Variants in DVL2 observed in about 807,000 individuals in gnomAD.
The protein encoded by DVL2 is segment polarity protein dishevelled homolog DVL-2.
DVL2 carries 38 observed loss-of-function variants against 69.8 expected under a neutral mutation model. The ratio of observed to expected loss-of-function variants is 0.54; its 90% CI spans 0.42 to 0.71. The LOEUF (loss-of-function observed/expected upper bound fraction) is 0.71. Ranked by LOEUF, DVL2 falls within the 30% of genes least tolerant of loss-of-function variation. The pLI, the probability that DVL2 is intolerant of heterozygous loss-of-function variation, is 0.00. For missense variants in DVL2, 931 were observed against 1,008.1 expected (o/e 0.92, Z 1.04); for synonymous variants, 428 against 392.4 (o/e 1.09, Z -1.07).
chr17:7,226,994 T>G lies in DVL2; in HGVS notation c.1543+96A>C. On this transcript the variant is annotated intron_variant, in intron 13 of 14. Transcript: ENST00000005340. Reference sequence around the variant, plus strand: ...ACACACACTGCTCGACCATCCATGGTGGCCCTGGCTGCGGTTTCTGGGCTA... The same window carrying G: ...ACACACACTGCTCGACCATCCATGGGGGCCCTGGCTGCGGTTTCTGGGCTA... 3 of 1,256,896 alleles carry G rather than the reference T, an allele frequency of 2.4e-6. No individual in the cohort carries two copies. The South Asian group carries it at 4.2e-5, about 17-fold the overall frequency. 77.9% of individuals were successfully genotyped at this position (1,256,896 alleles called of 1,614,324 possible).
chr17:7,225,898 G>A lies in DVL2; in HGVS notation c.2178C>T (p.Gly726=), dbSNP rs2071436281. ...CATCCACAAAGAACTCGCTGGGATT[G>A]CCCATGGCCATGTGGAAGCTTTGGC... is the stretch of plus-strand genomic sequence containing the variant. ...ASRQSFHMAM[G]NPSEFFVDVM The change falls in exon 15 of 15, where the codon GGC becomes GGT. Residue 726 remains glycine (G), a synonymous_variant. Transcript: ENST00000005340. The A allele has an allele frequency of 6.2e-7, 1 of 1,613,956 alleles. No individual in the cohort carries two copies. The highest frequency in any genetic ancestry group is 2.2e-5 in the East Asian group (1 of 44,872).
In DVL2 at chr17:7,230,806, C is replaced by A; in HGVS notation, c.195-9G>T. ...TTTCTTCCTTCACCACCCTGCCAAG[C>A]GACAAGGTAGAGGTCAGTGAGCTGG... On this transcript the variant is annotated splice_polypyrimidine_tract_variant and intron_variant, in intron 1 of 14. Coordinates refer to ENST00000005340, the MANE Select transcript of DVL2 (RefSeq NM_004422.3). 6.2e-7 allele frequency: 1 copy of A among 1,611,074 alleles called. No individual in the cohort carries two copies.
rs774358021 is a variant in DVL2, at chr17:7,229,120, C to T, written c.957+15G>A. On this transcript the variant is annotated intron_variant, in intron 8 of 14. Transcript: ENST00000005340. This position sits in a 1 kb window ranked among gnomAD's most constrained non-coding sequence, Gnocchi z 4.4. ...CCCCCGTGCAGGGCAGCTCAGTGGCCCTACCCCAGCACACCTGCAAAAGCA... is the reference window on the plus strand; with the variant it reads ...CCCCCGTGCAGGGCAGCTCAGTGGCTCTACCCCAGCACACCTGCAAAAGCA... 2 of 1,613,972 alleles carry T rather than the reference C, an allele frequency of 1.2e-6. No homozygotes were observed. The highest frequency in any genetic ancestry group is 2.2e-5 in the South Asian group (2 of 91,088).
chr17:7,231,446 C>CA (rs57713433), intron 1 of DVL2, among the ~76,000 whole-genome samples: 1,704 of 98,572 alleles, frequency 0.017, 16 homozygotes, highest in Middle Eastern at 0.037. Context: ...CTGGGCGGCT[C>CA]AAAAAAAAAA....
rs1207323385 is a variant in DVL2 at position 7,234,218 on chromosome 17, C to T, written c.45G>A (p.Lys15=). 6.2e-7 allele frequency: 1 copy of T among 1,614,046 alleles called. No individual in the cohort carries two copies. The highest frequency in any genetic ancestry group is 8.5e-7 in the Non-Finnish European group (1 of 1,180,002). ...STGGGGVGET[K]VIYHLDEEET... is the part of the protein sequence containing the mutation. ...CTTCCTCATCCAGGTGGTAAATCAC[C>T]TTCGTCTCCCCAACCCCACCGCCCC... is the stretch of plus-strand genomic sequence containing the variant. The change falls in exon 1 of 15, where the codon AAG becomes AAA. Residue 15 remains lysine (K), a synonymous_variant. Transcript: ENST00000005340.
rs541586227 is a variant in DVL2, at chr17:7,234,305, G to A, written c.-43C>T. Reference sequence around the variant, plus strand: ...CCCGGGCTCCACCGCCCACCCAAAGGGCTAATGGCCCCTGCCGCGCCTGCG... The same window carrying A: ...CCCGGGCTCCACCGCCCACCCAAAGAGCTAATGGCCCCTGCCGCGCCTGCG... On this transcript the variant is annotated 5_prime_UTR_variant, in exon 1 of 15. Coordinates refer to ENST00000005340, the MANE Select transcript of DVL2 (RefSeq NM_004422.3). 25 of 1,584,828 alleles carry A rather than the reference G, an allele frequency of 1.6e-5. No individual in the cohort carries two copies. The Admixed American group carries it at 2.6e-4, about 17-fold the overall frequency.
Position 7,225,972 on chromosome 17 carries a change from G to A in DVL2, c.2104C>T (p.Pro702Ser). The A allele has an allele frequency of 6.2e-7, 1 of 1,613,798 alleles. No individual in the cohort carries two copies. Among genetic ancestry groups the A allele is most frequent in the Non-Finnish European group, 8.5e-7 (1 of 1,179,980 alleles). Residue 702 changes from proline to serine, a missense_variant, in exon 15 of 15, where the codon CCT becomes TCT. Around this residue, in one of 3 missense-constraint regions of DVL2, gnomAD observed 314 missense variants for 313.7 expected, o/e 1.00. Coordinates refer to ENST00000005340, the MANE Select transcript of DVL2 (RefSeq NM_004422.3). ...ACAGAGCCCAGGTCTCTGACTGGAG[G>A]GGCCCCCGGAGGCTGCACTGCTGGA... ...VPPAVQPPGA[P>S]PVRDLGSVPP...
At position 7,230,040 on chromosome 17, in the gene DVL2, C is replaced by T. The variant is rs747875528; in HGVS notation, c.520+6G>A. 3.1e-6 allele frequency: 5 copies of T among 1,613,750 alleles called. No individual in the cohort carries two copies. In the South Asian group the frequency reaches 3.3e-5, roughly 11 times the overall value. On this transcript the variant is annotated splice_donor_region_variant and intron_variant, in intron 4 of 14. Transcript: ENST00000005340. Reference sequence around the variant, plus strand: ...GCCCTTCCCGGCCCCCAGGCCTGCCCCTCACCGCCATGCTCACTGCTGTCT... The same window carrying T: ...GCCCTTCCCGGCCCCCAGGCCTGCCTCTCACCGCCATGCTCACTGCTGTCT...
chr17:7,231,874 A>C lies in DVL2; in HGVS notation c.195-1077T>G, dbSNP rs528527775. Among the ~76,000 whole-genome samples the C allele has an allele frequency of 2.6e-4, 39 of 151,858 alleles. 1 individual carries two copies. The South Asian group carries it at 3.7e-3, about 15-fold the overall frequency. ...GACTCCACCTCAGAAAAAAAAAAAA[A>C]AAAAAAAACCACCCATTGGATCAAA... On this transcript the variant is annotated intron_variant, in intron 1 of 14. Transcript: ENST00000005340.
intron 1 of DVL2, among the ~76,000 whole-genome samples, chr17:7,231,896 C>G (rs2071549071): frequency 6.7e-6 from 1 of 149,108 alleles, no homozygotes; most frequent in South Asian, 2.1e-4. Context: ...CCCATTGGAT[C>G]AAACAAACAA....
intron 9 of DVL2, 191 bp downstream of exon 9, chr17:7,228,778 C>T (rs1256479148): frequency 1.0e-5 from 6 of 587,240 alleles, no homozygotes; most frequent in Admixed American, 9.0e-5. Context: ...GACACGGTTT[C>T]ACCACATTGG....
In DVL2 at chr17:7,225,983, G is replaced by A. The variant is rs922618549; in HGVS notation, c.2093C>T (p.Pro698Leu). The A allele has an allele frequency of 1.2e-6, 2 of 1,613,710 alleles. No individual in the cohort carries two copies. The highest frequency in any genetic ancestry group is 1.1e-5 in the South Asian group (1 of 91,090). ...PPPPVPPAVQ[P>L]PGAPPVRDLG... ...GTCTCTGACTGGAGGGGCCCCCGGA[G>A]GCTGCACTGCTGGAGGGACTGGAGG... Residue 698 changes from proline to leucine, a missense_variant, in exon 15 of 15, where the codon CCT (proline) becomes CTT (leucine). Coordinates refer to ENST00000005340, the MANE Select transcript of DVL2 (RefSeq NM_004422.3).
In DVL2 at chr17:7,234,380, GAGAGA is replaced by G; in HGVS notation, c.-123_-119del. On this transcript the variant is annotated 5_prime_UTR_variant, in exon 1 of 15. Transcript: ENST00000005340. ...CGCGGACAGGACTGACCCAGTACGG[GAGAGA>G]AGCAAAGGGGAAAAAGCACGGATCT... The G allele has an allele frequency of 8.3e-7, 1 of 1,198,412 alleles. No individual in the cohort carries two copies. Among genetic ancestry groups the G allele is most frequent in the South Asian group, 1.5e-5 (1 of 67,470 alleles). 74.2% of individuals were successfully genotyped at this position (1,198,412 alleles called of 1,614,324 possible). A position where few individuals can be genotyped will look rare whatever the true frequency, so the allele number is the denominator to read the frequency against.
At chr17:7,233,797 A>G (rs2071586208) in intron 1 of DVL2, 4 of 537,718 alleles carry the variant, frequency 7.4e-6, no homozygotes, top group Non-Finnish European at 1.3e-5. Flanking sequence ...AGACTAGAAT[A>G]CTCCAACATA....
At chr17:7,227,347 G>T in intron 12 of DVL2, 57 bp downstream of exon 12, 3 of 1,604,664 alleles carry the variant, frequency 1.9e-6, no homozygotes, top group Non-Finnish European at 2.6e-6. Context: ...TGCCATTCCT[G>T]GCTTTGGTCA....
chr17:7,227,256 A>G lies in DVL2; in HGVS notation c.1377T>C (p.Val459=), dbSNP rs1431374380. The G allele has an allele frequency of 6.2e-7, 1 of 1,610,512 alleles. No homozygotes were observed. Among genetic ancestry groups the G allele is most frequent in the Admixed American group, 1.7e-5 (1 of 59,796 alleles). The change falls in exon 13 of 15, where the codon GTT becomes GTC. Residue 459 remains valine (V), a synonymous_variant. Coordinates refer to ENST00000005340, the MANE Select transcript of DVL2 (RefSeq NM_004422.3). ...CCTCCACGTGATGGTAGAGCCAGTC[A>G]ACCACATCCGAGCCTGGGAGCACCC... ...IPNAFLGSDV[V]DWLYHHVEGF...
In DVL2 at chr17:7,230,530, A is replaced by G. The variant is rs2071527366; in HGVS notation, c.265-100T>C. 2.0e-6 allele frequency: 3 copies of G among 1,501,478 alleles called. No individual in the cohort carries two copies. The South Asian group carries it at 3.7e-5, about 18-fold the overall frequency. The allele number at this position is 1,501,478 out of a possible 1,614,324, so 93.0% of individuals were successfully genotyped here. A position where few individuals can be genotyped will look rare whatever the true frequency, so the allele number is the denominator to read the frequency against. ...GAGAAAGGGTCTCAGAGAGCTGGAGAAGAGCAAAAAAACCTAGCAAGTATT... is the reference window on the plus strand; with the variant it reads ...GAGAAAGGGTCTCAGAGAGCTGGAGGAGAGCAAAAAAACCTAGCAAGTATT... On this transcript the variant is annotated intron_variant, in intron 2 of 14. Transcript: ENST00000005340.
intron 1 of DVL2, among the ~76,000 whole-genome samples, chr17:7,231,098 C>T (rs1049588963): frequency 1.3e-5 from 2 of 152,168 alleles, no homozygotes; most frequent in South Asian, 2.1e-4. Flanking sequence ...CACGCTGATG[C>T]GGCTGCCTGA....
In DVL2 at chr17:7,225,661, G is replaced by A. The variant is rs1019652439; in HGVS notation, c.*204C>T. On this transcript the variant is annotated 3_prime_UTR_variant, in exon 15 of 15. Coordinates refer to ENST00000005340, the MANE Select transcript of DVL2 (RefSeq NM_004422.3). ...CCAAAAAGGCTTATAAAAAAACAAA[G>A]CTAAAAATAATCAAAGGTCCCTTGT... 7 of 570,894 alleles carry A rather than the reference G, an allele frequency of 1.2e-5. No homozygotes were observed. The highest frequency in any genetic ancestry group is 3.8e-5 in the African/African-American group (2 of 52,252). The allele number at this position is 570,894 out of a possible 1,614,324, so 35.4% of individuals were successfully genotyped here.
Sources: allele counts gnomAD v4.1 joint callset (sites outside exome capture counted in the v4.1 genomes callset), GRCh38; gene constraint gnomAD v4.1.1; regional missense constraint gnomAD v4.1.1; non-coding constraint Gnocchi (gnomAD v3.1); transcripts MANE v1.5; gene names NCBI Gene and HGNC (gene_info 2026-07-23, HGNC 2026-07-21).